The following AGBL1 variants were observed in gnomAD, a reference collection of about 807,000 sequenced individuals.
The protein encoded by AGBL1 is AGBL carboxypeptidase 1.
In AGBL1, 130 loss-of-function variants were observed where a neutral mutation model predicts 118.9. The ratio of observed to expected loss-of-function variants is 1.09; its 90% CI spans 0.95 to 1.26. The LOEUF (loss-of-function observed/expected upper bound fraction) is 1.26. Ranked by LOEUF, AGBL1 falls within the 50% of genes most tolerant of loss-of-function variation. The probability of loss-of-function intolerance (pLI) is 0.00; values close to 1 mark genes in which losing one functional copy is unlikely to be tolerated. For missense variants in AGBL1, 1,584 were observed against 1,298.1 expected, an observed-to-expected ratio of 1.22 and a Z score of -3.38; for synonymous variants, 555 against 478.9, an observed-to-expected ratio of 1.16 and a Z score of -2.08.
At chr15:86,183,478 C>T (rs2077581369) in intron 5 of AGBL1, among the ~76,000 whole-genome samples, 2 of 152,116 alleles carry the variant, frequency 1.3e-5, no homozygotes, top group Admixed American at 1.3e-4. Context: ...TCCAGGTCTC[C>T]TGATGTCCTA....
chr15:86,452,001 G>A (rs1566998189), intron 18 of AGBL1, among the ~76,000 whole-genome samples: 1 of 152,070 alleles, frequency 6.6e-6, no homozygotes, highest in African/African-American at 2.4e-5. Context: ...TGAACCAGCT[G>A]TTCAATGAAT....
rs968201752 is a variant in AGBL1 at position 86,326,000 on chromosome 15, T to C, written c.2374+30592T>C. ...CTTATCCCCTCCTGTATCTTCCAGA[T>C]ATGATCATGTAAGTCTTTAATAGAC... On this transcript the variant is annotated intron_variant, in intron 17 of 22. Coordinates refer to ENST00000614907, the MANE Select transcript of AGBL1 (RefSeq NM_001386094.1). Among the ~76,000 whole-genome samples, 10 of 152,336 alleles carry C rather than the reference T, an allele frequency of 6.6e-5. No homozygotes were observed. The East Asian group carries it at 7.7e-4, about 12-fold the overall frequency.
At chr15:86,448,393 T>C (rs1178000089) in intron 18 of AGBL1, among the ~76,000 whole-genome samples, 3 of 152,142 alleles carry the variant, frequency 2.0e-5, no homozygotes, top group Non-Finnish European at 4.4e-5. Context: ...TCCCTACTCA[T>C]GAGTTAAGCA....
At chr15:86,351,286 T>G (rs1038987517) in intron 17 of AGBL1, among the ~76,000 whole-genome samples, 2 of 152,182 alleles carry the variant, frequency 1.3e-5, no homozygotes, top group African/African-American at 2.4e-5. Context: ...CCCACTCCTA[T>G]GATAACAGCA....
At chr15:86,566,270 C>G (rs912633039) in intron 21 of AGBL1, among the ~76,000 whole-genome samples, 6 of 152,172 alleles carry the variant, frequency 3.9e-5, no homozygotes, top group African/African-American at 1.2e-4. Context: ...CATCTTGGAA[C>G]CCTAATTTTT....
intron 22 of AGBL1, among the ~76,000 whole-genome samples, chr15:86,728,392 A>G (rs2086850243): frequency 6.6e-6 from 1 of 152,210 alleles, no homozygotes; most frequent in African/African-American, 2.4e-5. Flanking sequence ...ATAAAAGTCA[A>G]CAAGTTTCTT....
At chr15:87,030,240 G>A (rs909782500), downstream of AGBL1, among the ~76,000 whole-genome samples, 1 of 151,928 alleles carries the variant, frequency 6.6e-6, no homozygotes, top group Non-Finnish European at 1.5e-5. Context: ...GTGGGCATAT[G>A]TATACAAGGT....
intron 22 of AGBL1, among the ~76,000 whole-genome samples, chr15:86,886,133 T>G (rs1183082179): frequency 6.6e-6 from 1 of 152,216 alleles, no homozygotes; most frequent in Non-Finnish European, 1.5e-5. Context: ...ATCGAAACTG[T>G]AAACATCCTG....
At chr15:86,867,971 T>A (rs2079657185) in intron 22 of AGBL1, among the ~76,000 whole-genome samples, 1 of 152,146 alleles carries the variant, frequency 6.6e-6, no homozygotes, top group Non-Finnish European at 1.5e-5. Context: ...AGCCCTTATT[T>A]TGGTGTTTCA....
At chr15:86,437,058 T>A (rs1228397893) in intron 18 of AGBL1, among the ~76,000 whole-genome samples, 1 of 152,104 alleles carries the variant, frequency 6.6e-6, no homozygotes, top group East Asian at 1.9e-4. Context: ...CCATTGAAAC[T>A]ATTTTTAAAG....
chr15:86,558,424 T>C (rs1213871519), intron 21 of AGBL1, among the ~76,000 whole-genome samples: 5 of 152,192 alleles, frequency 3.3e-5, no homozygotes, highest in Admixed American at 6.5e-5. Flanking sequence ...CAGCTCTAGA[T>C]ATCCCTATAG....
intron 22 of AGBL1, among the ~76,000 whole-genome samples, chr15:86,770,827 A>G (rs2078167392): frequency 6.6e-6 from 1 of 152,080 alleles, no homozygotes; most frequent in South Asian, 2.1e-4. Context: ...TACACAGAAT[A>G]ATAACAACCT....
At chr15:86,440,269 A>G (rs1397635801) in intron 18 of AGBL1, among the ~76,000 whole-genome samples, 1 of 152,124 alleles carries the variant, frequency 6.6e-6, no homozygotes, top group African/African-American at 2.4e-5. Context: ...ATAATTTAAA[A>G]AATAATAAAA....
intron 3 of AGBL1, among the ~76,000 whole-genome samples, chr15:86,145,631 A>C (rs1037248410): frequency 6.6e-6 from 1 of 152,202 alleles, no homozygotes; most frequent in Non-Finnish European, 1.5e-5. Flanking sequence ...CATGCTGCTG[A>C]TAATGATGGA....
intron 22 of AGBL1, among the ~76,000 whole-genome samples, chr15:86,905,727 T>A (rs2080272313): frequency 6.6e-6 from 1 of 152,138 alleles, no homozygotes; most frequent in East Asian, 1.9e-4. Context: ...CTTTTGACAT[T>A]GCATGACACT....
intron 1 of AGBL1, among the ~76,000 whole-genome samples, chr15:86,117,851 A>G (rs1211355437): frequency 6.6e-6 from 1 of 152,158 alleles, no homozygotes; most frequent in Non-Finnish European, 1.5e-5. Flanking sequence ...CAACCCCAGG[A>G]CCTGTGATTT....
chr15:87,002,929 G>A (rs1023002218), intron 24 of AGBL1, among the ~76,000 whole-genome samples: 3 of 152,110 alleles, frequency 2.0e-5, no homozygotes, highest in African/African-American at 4.8e-5. Flanking sequence ...TGCAAACAGG[G>A]ACAATTTGAC....
intron 18 of AGBL1, among the ~76,000 whole-genome samples, chr15:86,490,098 C>G (rs543791793): frequency 6.6e-6 from 1 of 152,214 alleles, no homozygotes; most frequent in East Asian, 1.9e-4. Flanking sequence ...GGCCCATTTT[C>G]CCACAAGGCA....
At chr15:86,176,893 T>C (rs1184997868) in intron 5 of AGBL1, among the ~76,000 whole-genome samples, 2 of 152,114 alleles carry the variant, frequency 1.3e-5, no homozygotes, top group Non-Finnish European at 2.9e-5. Context: ...TGGGGATCCT[T>C]TGCTCACCTT....
Sources: allele counts gnomAD v4.1 joint callset (sites outside exome capture counted in the v4.1 genomes callset), GRCh38; gene constraint gnomAD v4.1.1; transcripts MANE v1.5; gene names NCBI Gene and HGNC (gene_info 2026-07-23, HGNC 2026-07-21).